Variants in ECH1 observed in about 807,000 individuals in gnomAD.
The protein encoded by ECH1 is enoyl-CoA hydratase 1, also known as delta(3,5)-Delta(2,4)-dienoyl-CoA isomerase, mitochondrial.
A neutral mutation model predicts 37.0 loss-of-function variants in ECH1; 30 were observed. That is an observed-to-expected ratio of 0.81 (90% CI 0.61 to 1.10). ECH1 has a LOEUF of 1.10. ECH1 is among the 50% of genes least tolerant of loss of function. The pLI, the probability that ECH1 is intolerant of heterozygous loss-of-function variation, is 0.00. For synonymous variants in ECH1, 178 were observed against 176.0 expected (o/e 1.01, Z -0.09); for missense variants, 456 against 441.6 (o/e 1.03, Z -0.29).
chr19:38,829,694 G>A (rs1007954683), intron 3 of ECH1, among the ~76,000 whole-genome samples: 1 of 150,834 alleles, frequency 6.6e-6, no homozygotes, highest in Non-Finnish European at 1.5e-5. Context: ...GCAGGCACTG[G>A]TGGTCCCAGT....
chr19:38,820,166 T>C (rs1248543768), intron 3 of ECH1: 1 of 178,038 alleles, frequency 5.6e-6, no homozygotes, highest in Non-Finnish European at 1.0e-5. Flanking sequence ...GTTCACGCCA[T>C]TCTCCTGCCT....
At position 38,816,006 on chromosome 19, in the gene ECH1, G is replaced by T. The variant is rs772137811; in HGVS notation, c.733C>A (p.Arg245=). ...DEALGSGLVS[R]VFPDKEVMLD... ...ATGACCTCTTTGTCTGGGAACACCC[G>T]GCTGCAGTGAAAGAGATCAGGGACC... The change falls in exon 9 of 10, where the codon CGG becomes AGG. Residue 245 remains arginine, a splice_region_variant and synonymous_variant. Transcript: ENST00000221418. 6.2e-7 allele frequency: 1 copy of T among 1,612,800 alleles called. No homozygotes were observed. The highest frequency in any genetic ancestry group is 8.5e-7 in the Non-Finnish European group (1 of 1,180,002).
In ECH1 at chr19:38,831,404, A is replaced by G; in HGVS notation, c.165T>C (p.Tyr55=). ...VALGEAPDHS[Y]ESLRVTSAQK... is the part of the protein sequence containing the mutation. Reference sequence around the variant, plus strand: ...GCGCAGACGTCACACGAAGGGACTCATAGCTGTGGTCTGGGGCTTCACCGA... The same window carrying G: ...GCGCAGACGTCACACGAAGGGACTCGTAGCTGTGGTCTGGGGCTTCACCGA... The change falls in exon 2 of 10, where the codon TAT becomes TAC. Residue 55 remains tyrosine (Y), a synonymous_variant. Coordinates refer to ENST00000221418, the MANE Select transcript of ECH1 (RefSeq NM_001398.3). The G allele has an allele frequency of 6.2e-7, 1 of 1,614,012 alleles. No homozygotes were observed. Among genetic ancestry groups the G allele is most frequent in the South Asian group, 1.1e-5 (1 of 91,064 alleles).
intron 3 of ECH1, among the ~76,000 whole-genome samples, chr19:38,820,762 G>A (rs188441765): frequency 6.6e-6 from 1 of 152,226 alleles, no homozygotes; most frequent in Non-Finnish European, 1.5e-5. Context: ...ATTCAGCTGG[G>A]AGCTGAAAGA....
intron 3 of ECH1, among the ~76,000 whole-genome samples, chr19:38,829,285 CAAAAAAAAAAAAAA>C (rs35813067): frequency 4.7e-5 from 3 of 64,238 alleles, no homozygotes; most frequent in African/African-American, 1.7e-4. Flanking sequence ...ACTCCTTCTC[CAAAAAAAAAAAAAA>C]AAAAAAAAAA....
chr19:38,817,405 G>A, intron 4 of ECH1, 41 bp from the exon 5 acceptor site: 1 of 1,609,052 alleles, frequency 6.2e-7, no homozygotes, highest in Non-Finnish European at 8.5e-7. Context: ...GCTGGCCCAG[G>A]GGAGGCGCGT....
intron 3 of ECH1, among the ~76,000 whole-genome samples, chr19:38,829,317 T>C (rs904114757): frequency 2.1e-5 from 3 of 141,622 alleles, no homozygotes; most frequent in Non-Finnish European, 4.6e-5. Context: ...AAAAATTAGC[T>C]AGGCCTGGTG....
chr19:38,824,909 G>A (rs1010442657), intron 3 of ECH1, among the ~76,000 whole-genome samples: 2 of 152,150 alleles, frequency 1.3e-5, no homozygotes, highest in Non-Finnish European at 2.9e-5. Flanking sequence ...CCTTCAAGCT[G>A]TAGGGGGAGG....
chr19:38,825,694 A>G (rs1443655128), intron 3 of ECH1, among the ~76,000 whole-genome samples: 1 of 152,224 alleles, frequency 6.6e-6, no homozygotes, highest in Non-Finnish European at 1.5e-5. Context: ...CAGAGAGGAC[A>G]GATAGTAGAG....
chr19:38,831,175 CAACGAGTG>C lies in ECH1; in HGVS notation c.261-17_261-10del, dbSNP rs762879658. On this transcript the variant is annotated splice_polypyrimidine_tract_variant and intron_variant, in intron 2 of 9. Transcript: ENST00000221418. ...AGCACTCTACCATCTCTCTGTGAAG[CAACGAGTG>C]AAGGGTTACAAATGGGGCGGGAATA... 6.2e-7 allele frequency: 1 copy of C among 1,614,134 alleles called. No homozygotes were observed. Among genetic ancestry groups the C allele is most frequent in the Non-Finnish European group, 8.5e-7 (1 of 1,180,006 alleles).
chr19:38,817,925 T>A (rs981591713), intron 3 of ECH1, among the ~76,000 whole-genome samples: 1 of 152,112 alleles, frequency 6.6e-6, no homozygotes, highest in African/African-American at 2.4e-5. Context: ...TTAAATTAAC[T>A]CATTAATGTT....
rs1971557270 is a variant in ECH1 at position 38,815,562 on chromosome 19, T to A, written c.*51A>T. 4 of 1,545,958 alleles carry A rather than the reference T, an allele frequency of 2.6e-6. No homozygotes were observed. The East Asian group carries it at 9.0e-5, about 35-fold the overall frequency. ...ATCGCCCATCCTCCCTTTCTGTGGA[T>A]GAGGCGGGACAAGGCCGGCCCCCTG... On this transcript the variant is annotated 3_prime_UTR_variant, in exon 10 of 10. Transcript: ENST00000221418.
intron 3 of ECH1, among the ~76,000 whole-genome samples, chr19:38,827,949 G>A (rs545929044): frequency 5.3e-5 from 8 of 152,216 alleles, no homozygotes; most frequent in Admixed American, 2.0e-4. Context: ...AGTGGTTCAC[G>A]CTTGTAGTCC....
intron 3 of ECH1, among the ~76,000 whole-genome samples, chr19:38,827,082 G>C (rs1195989623): frequency 1.4e-5 from 2 of 138,590 alleles, no homozygotes; most frequent in East Asian, 4.3e-4. Context: ...GAAGGGAGGA[G>C]AGGGAGGGAG....
At chr19:38,816,046 G>C in intron 8 of ECH1, 39 bp from the exon 9 acceptor site, 1 of 1,609,494 alleles carries the variant, frequency 6.2e-7, no homozygotes, top group Non-Finnish European at 8.5e-7. Flanking sequence ...GGGCTGGGAA[G>C]GGCTCTCTCC....
chr19:38,831,676 A>C (rs1276742367), intron 1 of ECH1, 45 bp downstream of exon 1: 1 of 1,611,404 alleles, frequency 6.2e-7, no homozygotes, highest in Non-Finnish European at 8.5e-7. Flanking sequence ...CTGCTATAAC[A>C]GCACGACAGC....
chr19:38,815,509 TG>T lies in ECH1; in HGVS notation c.*103del. On this transcript the variant is annotated 3_prime_UTR_variant, in exon 10 of 10. Transcript: ENST00000221418. ...GTCATAAAGTTATAAACTGGGAAAC[TG>T]GGTCAGAAGGCATAGAAACAACTGT... 9.3e-7 allele frequency: 1 copy of T among 1,073,006 alleles called. No homozygotes were observed. Among genetic ancestry groups the T allele is most frequent in the Non-Finnish European group, 1.4e-6 (1 of 713,774 alleles). 66.5% of individuals were successfully genotyped at this position (1,073,006 alleles called of 1,614,324 possible). A position where few individuals can be genotyped will look rare whatever the true frequency, so the allele number is the denominator to read the frequency against.
chr19:38,818,328 C>T (rs1413483157), intron 3 of ECH1: 2 of 985,180 alleles, frequency 2.0e-6, no homozygotes, highest in Non-Finnish European at 2.4e-6. Context: ...TTCTGTGGCT[C>T]CAACTTCAAG....
chr19:38,830,734 G>A (rs907849644), intron 3 of ECH1, among the ~76,000 whole-genome samples: 1 of 152,030 alleles, frequency 6.6e-6, no homozygotes, highest in Admixed American at 6.6e-5. Flanking sequence ...CAGCACTTTG[G>A]GAGGCTGAGG....
Sources: allele counts gnomAD v4.1 joint callset (sites outside exome capture counted in the v4.1 genomes callset), GRCh38; gene constraint gnomAD v4.1.1; transcripts MANE v1.5; gene names NCBI Gene and HGNC (gene_info 2026-07-23, HGNC 2026-07-21).